FADS6: variants seen among roughly 807,000 people sequenced by gnomAD.
The protein encoded by FADS6 is fatty acid desaturase domain family, member 6.
FADS6 carries 28 observed loss-of-function variants against 31.7 expected under a neutral mutation model. The observed-to-expected ratio is 0.88, with a 90% CI of 0.66 to 1.21. The LOEUF (loss-of-function observed/expected upper bound fraction) is 1.21, where lower values mean the gene tolerates loss of function less well. Among genes scored for constraint, FADS6 ranks in the 50% most tolerant of loss-of-function variants. FADS6 has a pLI of 0.00. For synonymous variants in FADS6, 191 were observed against 213.1 expected (o/e 0.90, Z 0.90); for missense variants, 494 against 504.2 (o/e 0.98, Z 0.19).
intron 2 of FADS6, among the ~76,000 whole-genome samples, chr17:74,890,926 C>T (rs754099061): frequency 1.3e-5 from 2 of 151,998 alleles, no homozygotes; most frequent in African/African-American, 4.8e-5. Context: ...CACAGTGGCC[C>T]GAGTCCTCTT....
chr17:74,876,279 A>G (rs2038507368), downstream of FADS6, among the ~76,000 whole-genome samples: 2 of 152,220 alleles, frequency 1.3e-5, no homozygotes, highest in African/African-American at 4.8e-5. Flanking sequence ...CAGCAGGGTC[A>G]GGAGGCCTTT....
At chr17:74,875,817 A>G (rs546094080), downstream of FADS6, among the ~76,000 whole-genome samples, 6 of 152,228 alleles carry the variant, frequency 3.9e-5, no homozygotes, top group Non-Finnish European at 8.8e-5. Flanking sequence ...CCTCGTGCCA[A>G]GAGGGCTGCC....
chr17:74,890,652 G>T (rs1036656427), intron 2 of FADS6, among the ~76,000 whole-genome samples: 4 of 152,146 alleles, frequency 2.6e-5, no homozygotes, highest in Non-Finnish European at 2.9e-5. Context: ...GTCTGTGCCA[G>T]GAGCTGAAGA....
At chr17:74,884,777 G>A (rs1001910495) in intron 2 of FADS6, among the ~76,000 whole-genome samples, 6 of 151,638 alleles carry the variant, frequency 4.0e-5, no homozygotes, top group Non-Finnish European at 7.4e-5. Context: ...GTGCGATCTC[G>A]GCTCACTGCA....
intron 2 of FADS6, among the ~76,000 whole-genome samples, chr17:74,889,668 C>T (rs973715831): frequency 1.3e-5 from 2 of 151,138 alleles, no homozygotes; most frequent in Non-Finnish European, 2.9e-5. Context: ...GAGTTCAAGA[C>T]CAGCCTGGCC....
At chr17:74,881,347 G>T in intron 3 of FADS6, 92 bp from the exon 4 acceptor site, 1 of 1,271,252 alleles carries the variant, frequency 7.9e-7, no homozygotes, top group Non-Finnish European at 1.1e-6. Context: ...CGGAGGCCAG[G>T]CGTGTTCAAT....
intron 2 of FADS6, 29 bp downstream of exon 2, chr17:74,892,494 T>G: frequency 1.9e-6 from 3 of 1,601,624 alleles, no homozygotes; most frequent in Non-Finnish European, 2.6e-6. Context: ...TCCCAGCAGC[T>G]GCCTGCATCC....
intron 3 of FADS6, among the ~76,000 whole-genome samples, chr17:74,881,616 C>A (rs1211375610): frequency 6.6e-6 from 1 of 151,516 alleles, no homozygotes; most frequent in African/African-American, 2.4e-5. Context: ...CTCCCAAGCT[C>A]GGGTGATCCT....
At chr17:74,887,594 T>G (rs1344733952) in intron 2 of FADS6, among the ~76,000 whole-genome samples, 1 of 152,212 alleles carries the variant, frequency 6.6e-6, no homozygotes, top group Non-Finnish European at 1.5e-5. Flanking sequence ...AACAGTAGCT[T>G]AACCCCCATA....
chr17:74,878,531 A>G, intron 5 of FADS6, 54 bp from the exon 6 acceptor site: 1 of 1,593,230 alleles, frequency 6.3e-7, no homozygotes, highest in Non-Finnish European at 8.6e-7. Context: ...GGGCAGGCCC[A>G]TCATCCCGTC....
At chr17:74,882,414 G>T in intron 3 of FADS6, 116 bp downstream of exon 3, 1 of 1,207,722 alleles carries the variant, frequency 8.3e-7, no homozygotes, top group Non-Finnish European at 1.1e-6. Context: ...TGCTGTCTCA[G>T]CACGTATCTA....
chr17:74,892,486 C>G lies in FADS6; in HGVS notation c.411+37G>C, dbSNP rs1452108635. The stretch of plus-strand genomic sequence containing the variant: ...AGAAGAATGAGGCTGCCACACGGTC[C>G]CAGCAGCTGCCTGCATCCTCCTTCT... On this transcript the variant is annotated intron_variant, in intron 2 of 5. Transcript: ENST00000612771. 1.2e-5 allele frequency: 19 copies of G among 1,592,536 alleles called. No homozygotes were observed. In the East Asian group the frequency reaches 1.4e-4, roughly 11 times the overall value.
downstream of FADS6, among the ~76,000 whole-genome samples, chr17:74,876,154 G>A (rs1054228907): frequency 1.3e-5 from 2 of 152,166 alleles, no homozygotes; most frequent in African/African-American, 4.8e-5. Flanking sequence ...GCTGCCTAAG[G>A]CCACACCACA....
Position 74,878,413 on chromosome 17 carries a change from A to T in FADS6, c.1025T>A (p.Leu342Gln). ...KQLPYNEDSY[L>Q]ARFQLFLRRY... is the part of the protein sequence containing the mutation. ...ACGGAGAAACAGCTGGAAGCGAGCC[A>T]GGTATGAGTCCTCGTTGTACGGTAG... is the stretch of plus-strand genomic sequence containing the variant. Residue 342 changes from leucine (L) to glutamine (Q), a missense_variant, in exon 6 of 6, where the codon CTG becomes CAG. By Grantham distance (113) the Leu-to-Gln change is moderately radical (BLOSUM62 -2). This residue lies in a region of FADS6 where 454 missense variants were observed against 438.5 expected (regional missense o/e 1.04). Coordinates refer to ENST00000612771, the MANE Select transcript of FADS6 (RefSeq NM_178128.6). 1 of 1,614,036 alleles carries T rather than the reference A, an allele frequency of 6.2e-7. No homozygotes were observed. Among genetic ancestry groups the T allele is most frequent in the Non-Finnish European group, 8.5e-7 (1 of 1,179,890 alleles).
chr17:74,884,647 T>C (rs1431750907), intron 2 of FADS6, among the ~76,000 whole-genome samples: 1 of 152,020 alleles, frequency 6.6e-6, no homozygotes, highest in Non-Finnish European at 1.5e-5. Flanking sequence ...GAGCAGGCAG[T>C]GACATGATGA....
intron 3 of FADS6, among the ~76,000 whole-genome samples, chr17:74,881,720 G>A (rs1175554266): frequency 2.3e-5 from 3 of 131,942 alleles, no homozygotes; most frequent in Non-Finnish European, 4.8e-5. Context: ...CTGGGCAACA[G>A]AGCAAGACTC....
chr17:74,883,337 CTG>C (rs1289762204), intron 2 of FADS6, among the ~76,000 whole-genome samples: 1 of 152,338 alleles, frequency 6.6e-6, no homozygotes, highest in East Asian at 1.9e-4. Context: ...AGTAGTCAGT[CTG>C]GAATGCAAAA....
intron 3 of FADS6, among the ~76,000 whole-genome samples, chr17:74,882,304 C>G (rs775743121): frequency 4.6e-5 from 7 of 152,210 alleles, no homozygotes; most frequent in Non-Finnish European, 8.8e-5. Context: ...AGGTACAGGA[C>G]CCGAGGCTCA....
At position 74,893,339 on chromosome 17, in the gene FADS6, C is replaced by T; in HGVS notation, c.244+13G>A. 2 of 1,510,480 alleles carry T rather than the reference C, an allele frequency of 1.3e-6. No individual in the cohort carries two copies. The highest frequency in any genetic ancestry group is 1.8e-6 in the Non-Finnish European group (2 of 1,135,698). 93.6% of individuals were successfully genotyped at this position (1,510,480 alleles called of 1,614,324 possible). On this transcript the variant is annotated intron_variant, in intron 1 of 5. Coordinates refer to ENST00000612771, the MANE Select transcript of FADS6 (RefSeq NM_178128.6). ...GCAGCCCGGCCGGGACGCCGGGTCC[C>T]CGCGTTCCTCACCTGCCGGCAAGGC...
Sources: gnomAD v4.1 joint callset for allele counts (sites outside exome capture counted in the v4.1 genomes callset) on GRCh38, gnomAD v4.1.1 for gene constraint, gnomAD v4.1.1 regional missense constraint, MANE v1.5 for transcripts, NCBI Gene and HGNC (gene_info 2026-07-23, HGNC 2026-07-21) for gene names.